The following PLS1 variants were observed in gnomAD, a reference collection of about 807,000 sequenced individuals.
PLS1 encodes the protein plastin-1.
PLS1 carries 32 observed loss-of-function variants against 73.7 expected under a neutral mutation model. The observed-to-expected ratio is 0.43, with a 90% CI of 0.33 to 0.58. PLS1 has a LOEUF of 0.58. Among genes scored for constraint, PLS1 ranks in the 20% least tolerant of loss-of-function variants. The probability of loss-of-function intolerance (pLI) is 0.04; values close to 1 mark genes in which losing one functional copy is unlikely to be tolerated. For missense variants in PLS1, 633 were observed against 740.5 expected (o/e 0.85, Z 1.68); for synonymous variants, 217 against 261.3 (o/e 0.83, Z 1.63).
intron 1 of PLS1, chr3:142,623,535 T>A (rs892812620): frequency 6.6e-6 from 1 of 152,206 alleles, no homozygotes; most frequent in Admixed American, 6.5e-5. Context: ...GACTTCCAAA[T>A]CTCAAGTGAT....
At chr3:142,604,317 A>G (rs1043987127) in intron 1 of PLS1, among the ~76,000 whole-genome samples, 1 of 152,230 alleles carries the variant, frequency 6.6e-6, no homozygotes, top group Non-Finnish European at 1.5e-5. Context: ...CTTTGTAAAT[A>G]AACCAAAACC....
chr3:142,700,736 G>A (rs2107944947), intron 12 of PLS1, among the ~76,000 whole-genome samples: 1 of 152,258 alleles, frequency 6.6e-6, no homozygotes, highest in South Asian at 2.1e-4. Context: ...AAAGTACTTG[G>A]TAATTGATAT....
At chr3:142,628,358 CAGTGTGCATGTGTGCGCGCACATGTGCAT>C (rs1391994987) in intron 1 of PLS1, among the ~76,000 whole-genome samples, 8 of 27,480 alleles carry the variant, frequency 2.9e-4, no homozygotes, top group Admixed American at 1.1e-3. Flanking sequence ...CATGTGCATG[CAGTGTGCATGTGTGCGCGCACATGTGCAT>C]GCAGTGTGCA....
At chr3:142,617,786 G>T (rs1292419463) in intron 1 of PLS1, among the ~76,000 whole-genome samples, 1 of 151,990 alleles carries the variant, frequency 6.6e-6, no homozygotes, top group Admixed American at 6.6e-5. Context: ...AAGACAAGCC[G>T]ATTCAATATG....
At chr3:142,631,664 GAAAAAAAAA>G (rs71153981) in intron 1 of PLS1, among the ~76,000 whole-genome samples, 3 of 39,430 alleles carry the variant, frequency 7.6e-5, no homozygotes, top group Non-Finnish European at 1.4e-4. Context: ...CCTGTCTCTA[GAAAAAAAAA>G]AAAAAAAAAA....
chr3:142,688,498 TA>T (rs562698982), intron 9 of PLS1, among the ~76,000 whole-genome samples: 10 of 152,354 alleles, frequency 6.6e-5, no homozygotes, highest in African/African-American at 2.4e-4. Flanking sequence ...ACAGGAAAAC[TA>T]AAACTTTGAC....
At chr3:142,668,487 G>A (rs890505601) in intron 2 of PLS1, among the ~76,000 whole-genome samples, 3 of 152,148 alleles carry the variant, frequency 2.0e-5, no homozygotes, top group African/African-American at 7.2e-5. Context: ...ATTTTACACA[G>A]CGCATGTATT....
chr3:142,662,750 G>C (rs1236017580), intron 1 of PLS1, among the ~76,000 whole-genome samples: 1 of 152,144 alleles, frequency 6.6e-6, no homozygotes, highest in Non-Finnish European at 1.5e-5. Context: ...TGAAAGAGGG[G>C]ATTTACCAAA....
intron 8 of PLS1, 33 bp from the exon 9 acceptor site, chr3:142,686,251 T>C (rs1190131674): frequency 7.9e-7 from 1 of 1,267,696 alleles, no homozygotes; most frequent in Admixed American, 1.7e-5. Context: ...TTTTATTCGT[T>C]TTAAAAATGC....
chr3:142,630,938 A>AACACACACACACACACACACAC (rs140962182), intron 1 of PLS1, among the ~76,000 whole-genome samples: 1,409 of 137,400 alleles, frequency 0.01, 44 homozygotes, highest in African/African-American at 0.038. Context: ...CATGTAAATA[A>AACACACACACACACACACACAC]ACACACACAC....
intron 12 of PLS1, among the ~76,000 whole-genome samples, chr3:142,699,871 C>T (rs2107941791): frequency 6.6e-6 from 1 of 152,236 alleles, no homozygotes; most frequent in East Asian, 1.9e-4. Flanking sequence ...TCGTATGTTT[C>T]AGCATTTCTA....
chr3:142,637,764 G>A (rs2036725899), intron 1 of PLS1, among the ~76,000 whole-genome samples: 1 of 151,998 alleles, frequency 6.6e-6, no homozygotes, highest in Non-Finnish European at 1.5e-5. Context: ...AATTAAATAT[G>A]GAAAAGAAAG....
chr3:142,658,967 C>G (rs939344442), intron 1 of PLS1, among the ~76,000 whole-genome samples: 3 of 152,168 alleles, frequency 2.0e-5, no homozygotes, highest in Non-Finnish European at 2.9e-5. Flanking sequence ...GCTTTTGAAT[C>G]TCTTATTTTG....
At chr3:142,625,563 TAAC>T (rs1560035602) in intron 1 of PLS1, among the ~76,000 whole-genome samples, 1 of 152,186 alleles carries the variant, frequency 6.6e-6, no homozygotes, top group African/African-American at 2.4e-5. Context: ...AGCTCATCAG[TAAC>T]AACATGTTGT....
chr3:142,659,956 G>A (rs9872776), intron 1 of PLS1, among the ~76,000 whole-genome samples: 5,599 of 152,042 alleles, frequency 0.037, 146 homozygotes, highest in Middle Eastern at 0.065. Context: ...CAAGTATACC[G>A]TGACACAACC....
chr3:142,608,816 G>A (rs566608451), intron 1 of PLS1, among the ~76,000 whole-genome samples: 11 of 152,188 alleles, frequency 7.2e-5, no homozygotes, highest in Admixed American at 6.5e-4. Context: ...AGCCAGCTTT[G>A]CCTGGGGCAC....
intron 6 of PLS1, among the ~76,000 whole-genome samples, chr3:142,679,306 T>C (rs1339280349): frequency 6.6e-6 from 1 of 150,992 alleles, no homozygotes; most frequent in Non-Finnish European, 1.5e-5. Flanking sequence ...TTTTGTCTTT[T>C]GTTGCCATTG....
chr3:142,638,668 A>G (rs1228251552), intron 1 of PLS1, among the ~76,000 whole-genome samples: 1 of 152,180 alleles, frequency 6.6e-6, no homozygotes, highest in African/African-American at 2.4e-5. Context: ...ACAAGGATGA[A>G]TTCCCAGGCC....
intron 13 of PLS1, among the ~76,000 whole-genome samples, chr3:142,704,209 C>A (rs186538919): frequency 6.6e-6 from 1 of 152,100 alleles, no homozygotes; most frequent in African/African-American, 2.4e-5. Flanking sequence ...AACACTATCA[C>A]TTTTATTAAT....
Sources: gnomAD v4.1 joint callset for allele counts (sites outside exome capture counted in the v4.1 genomes callset) on GRCh38, gnomAD v4.1.1 for gene constraint, MANE v1.5 for transcripts, NCBI Gene and HGNC (gene_info 2026-07-23, HGNC 2026-07-21) for gene names.